Variants in PTPRK observed in about 807,000 individuals in gnomAD.
PTPRK encodes the protein protein tyrosine phosphatase receptor type K, also known as receptor-type tyrosine-protein phosphatase kappa.
In PTPRK, 75 loss-of-function variants were observed where a neutral mutation model predicts 178.0. The observed-to-expected ratio is 0.42, with a 90% CI of 0.35 to 0.51. The LOEUF (loss-of-function observed/expected upper bound fraction) is 0.51. Among genes scored for constraint, PTPRK ranks in the 20% least tolerant of loss-of-function variants. The pLI, the probability that PTPRK is intolerant of heterozygous loss-of-function variation, is 0.02. For synonymous variants in PTPRK, 637 were observed against 620.6 expected (o/e 1.03, Z -0.39); for missense variants, 1,441 against 1,797.8 (o/e 0.80, Z 3.59).
intron 3 of PTPRK, among the ~76,000 whole-genome samples, chr6:128,311,533 T>C (rs1584082060): frequency 6.6e-6 from 1 of 152,310 alleles, no homozygotes; most frequent in South Asian, 2.1e-4. Flanking sequence ...GAGAGCAGTA[T>C]GGCTGGCCCC....
intron 2 of PTPRK, among the ~76,000 whole-genome samples, chr6:128,362,236 G>A (rs920312782): frequency 8.5e-5 from 13 of 152,138 alleles, no homozygotes; most frequent in African/African-American, 2.9e-4. Flanking sequence ...GAAAGTGGGA[G>A]CAAGGGAGGA....
chr6:128,078,478 T>C (rs961055535), intron 11 of PTPRK, among the ~76,000 whole-genome samples: 1 of 151,948 alleles, frequency 6.6e-6, no homozygotes. Flanking sequence ...TAGTTTCTCA[T>C]ATCTCAGTTT....
At chr6:128,109,345 A>T (rs1790252060) in intron 7 of PTPRK, among the ~76,000 whole-genome samples, 1 of 152,176 alleles carries the variant, frequency 6.6e-6, no homozygotes, top group Non-Finnish European at 1.5e-5. Context: ...TTGTTCTGAT[A>T]CAGTTGTCTT....
chr6:128,342,904 T>C (rs1428442799), intron 2 of PTPRK, among the ~76,000 whole-genome samples: 1 of 151,496 alleles, frequency 6.6e-6, no homozygotes, highest in South Asian at 2.1e-4. Context: ...CTGGGCAACA[T>C]AGCAAGGCCT....
At chr6:128,185,043 T>G (rs2114699397) in intron 6 of PTPRK, among the ~76,000 whole-genome samples, 1 of 152,314 alleles carries the variant, frequency 6.6e-6, no homozygotes, top group Admixed American at 6.5e-5. Context: ...AATTAGCTAC[T>G]AAGAGAGTAG....
intron 7 of PTPRK, among the ~76,000 whole-genome samples, chr6:128,139,370 A>C (rs1795455259): frequency 6.6e-6 from 1 of 152,070 alleles, no homozygotes; most frequent in Admixed American, 6.6e-5. Context: ...CAGACATTTT[A>C]AGAATAAAAT....
intron 18 of PTPRK, 190 bp downstream of exon 18, chr6:127,995,272 G>GC (rs1562400206): frequency 6.2e-7 from 1 of 1,606,824 alleles, no homozygotes; most frequent in South Asian, 1.1e-5. Context: ...CAAATCTACA[G>GC]CCCAAACCAA....
chr6:128,295,428 A>C (rs892987015), intron 3 of PTPRK, among the ~76,000 whole-genome samples: 1 of 151,920 alleles, frequency 6.6e-6, no homozygotes, highest in Admixed American at 6.6e-5. Context: ...GGTGCTAAGG[A>C]GGAAAAGGAG....
intron 1 of PTPRK, among the ~76,000 whole-genome samples, chr6:128,499,655 T>G (rs1855255609): frequency 6.6e-6 from 1 of 152,220 alleles, no homozygotes; most frequent in South Asian, 2.1e-4. Flanking sequence ...GAGAGAAGTA[T>G]AGTAACTTTC....
At chr6:128,219,189 C>G (rs1809927432) in intron 5 of PTPRK, 93 bp from the exon 6 acceptor site, 19 of 1,224,586 alleles carry the variant, frequency 1.6e-5, no homozygotes, top group Non-Finnish European at 1.9e-5. Context: ...ATAAATTATT[C>G]TTGTTGCAAA....
At chr6:128,176,647 C>CT (rs1023609805) in intron 7 of PTPRK, among the ~76,000 whole-genome samples, 6 of 151,746 alleles carry the variant, frequency 4.0e-5, no homozygotes, top group African/African-American at 7.2e-5. Context: ...TTTGAACATG[C>CT]TTTTTTTCCC....
chr6:128,339,633 A>G (rs1433220206), intron 2 of PTPRK, among the ~76,000 whole-genome samples: 1 of 152,186 alleles, frequency 6.6e-6, no homozygotes, highest in Non-Finnish European at 1.5e-5. Flanking sequence ...TTTCCTCCCC[A>G]CGGTAGCTTT....
intron 5 of PTPRK, among the ~76,000 whole-genome samples, chr6:128,236,343 CTTTTTTTTTT>C (rs35553541): frequency 1.9e-5 from 2 of 108,084 alleles, no homozygotes; most frequent in East Asian, 5.5e-4. Flanking sequence ...TTCTAAATTT[CTTTTTTTTTT>C]TTTTTTTTTT....
At chr6:128,494,734 A>G (rs1490570087) in intron 1 of PTPRK, among the ~76,000 whole-genome samples, 1 of 152,238 alleles carries the variant, frequency 6.6e-6, no homozygotes, top group African/African-American at 2.4e-5. Context: ...AAATCTGCCC[A>G]TGATGTTTTT....
chr6:128,087,263 G>C (rs549924865), intron 8 of PTPRK, among the ~76,000 whole-genome samples: 1 of 152,072 alleles, frequency 6.6e-6, no homozygotes, highest in South Asian at 2.1e-4. Flanking sequence ...ACTAGAGAGT[G>C]ACTGGCTAAA....
At chr6:128,005,989 C>T in intron 14 of PTPRK, 2 of 1,475,836 alleles carry the variant, frequency 1.4e-6, no homozygotes, top group Non-Finnish European at 1.9e-6. Context: ...GCATCCTTAA[C>T]ACACGTAAAG....
intron 3 of PTPRK, among the ~76,000 whole-genome samples, chr6:128,246,410 A>C (rs567654106): frequency 6.6e-6 from 1 of 152,268 alleles, no homozygotes; most frequent in Admixed American, 6.5e-5. Flanking sequence ...CCTTGATTTA[A>C]AAGGAGGCAA....
chr6:128,204,610 G>T (rs927454789), intron 6 of PTPRK, among the ~76,000 whole-genome samples: 4 of 149,692 alleles, frequency 2.7e-5, no homozygotes, highest in African/African-American at 9.9e-5. Flanking sequence ...CAAAGGACAT[G>T]AACAGACATT....
chr6:128,320,322 T>A (rs959409825), intron 3 of PTPRK, among the ~76,000 whole-genome samples: 15 of 152,150 alleles, frequency 9.9e-5, no homozygotes, highest in African/African-American at 3.4e-4. Context: ...CAAAGATAGA[T>A]CTTTAACAAC....
Sources: allele counts gnomAD v4.1 joint callset (sites outside exome capture counted in the v4.1 genomes callset), GRCh38; gene constraint gnomAD v4.1.1; transcripts MANE v1.5; gene names NCBI Gene and HGNC (gene_info 2026-07-23, HGNC 2026-07-21).